The following TTLL11 variants were observed in gnomAD, a reference collection of about 807,000 sequenced individuals.
TTLL11 encodes the protein tubulin polyglutamylase TTLL11.
In TTLL11, 42 loss-of-function variants were observed where a neutral mutation model predicts 51.7. That is an observed-to-expected ratio of 0.81 (90% CI 0.64 to 1.05). The LOEUF is 1.05. Ranked by LOEUF, TTLL11 falls within the 50% of genes least tolerant of loss-of-function variation. The pLI is 0.00. For synonymous variants in TTLL11, 381 were observed against 383.5 expected, an observed-to-expected ratio of 0.99 and a Z score of 0.08; for missense variants, 799 against 940.4, an observed-to-expected ratio of 0.85 and a Z score of 1.97.
chr9:122,054,329 C>T (rs1845238475), intron 1 of TTLL11, among the ~76,000 whole-genome samples: 1 of 152,028 alleles, frequency 6.6e-6, no homozygotes, highest in Non-Finnish European at 1.5e-5. Context: ...AACCTTGCCC[C>T]TTTCATAATT....
At chr9:121,936,021 C>T (rs983172532) in intron 6 of TTLL11, among the ~76,000 whole-genome samples, 1 of 152,160 alleles carries the variant, frequency 6.6e-6, no homozygotes, top group Admixed American at 6.5e-5. Context: ...CTGGCTGAAA[C>T]TGAGCTATTA....
chr9:122,041,941 T>A (rs1588232191), intron 1 of TTLL11, among the ~76,000 whole-genome samples: 1 of 145,042 alleles, frequency 6.9e-6, no homozygotes, highest in East Asian at 2.0e-4. Context: ...CATATGGAAT[T>A]ACAAGGGACC....
At chr9:121,970,909 T>C (rs2131645625) in intron 6 of TTLL11, among the ~76,000 whole-genome samples, 1 of 152,348 alleles carries the variant, frequency 6.6e-6, no homozygotes, top group East Asian at 1.9e-4. Context: ...CGTATGTTTA[T>C]TGCAGCACTA....
intron 4 of TTLL11, among the ~76,000 whole-genome samples, chr9:121,983,673 C>T (rs935739254): frequency 6.6e-6 from 1 of 152,196 alleles, no homozygotes; most frequent in Non-Finnish European, 1.5e-5. Flanking sequence ...CTCTGGGAAG[C>T]CTTCCCTGAC....
intron 6 of TTLL11, among the ~76,000 whole-genome samples, chr9:121,937,475 C>G (rs910153597): frequency 2.0e-5 from 3 of 152,210 alleles, no homozygotes; most frequent in African/African-American, 7.2e-5. Flanking sequence ...GGCAACTCCC[C>G]CAATTGCTTT....
chr9:122,041,211 A>T (rs1205332679), intron 1 of TTLL11, among the ~76,000 whole-genome samples: 1 of 152,238 alleles, frequency 6.6e-6, no homozygotes, highest in Non-Finnish European at 1.5e-5. Context: ...ATGCCAGACT[A>T]GGTGCTAGGA....
intron 8 of TTLL11, among the ~76,000 whole-genome samples, chr9:121,836,185 C>A (rs73539173): frequency 0.054 from 8,155 of 152,184 alleles, 317 homozygotes; most frequent in African/African-American, 0.1. Flanking sequence ...AGTGATATGG[C>A]AAAGCTTTGC....
chr9:121,847,838 T>C (rs1236066385), intron 8 of TTLL11, among the ~76,000 whole-genome samples: 1 of 152,144 alleles, frequency 6.6e-6, no homozygotes, highest in Admixed American at 6.5e-5. Context: ...AACCAGATAA[T>C]GATATTACCA....
chr9:121,820,148 C>T lies in TTLL11; in HGVS notation c.*2439G>A, dbSNP rs2119096593. 6.6e-6 allele frequency among the ~76,000 whole-genome samples: 1 copy of T among 152,352 alleles called. No individual in the cohort carries two copies. The highest frequency in any genetic ancestry group is 3.4e-3 in the Middle Eastern group (1 of 294). ...GGCATGGGGTGGGAGAGGCCCTCAC[C>T]AGGAGAGCTGATGTTTTCATATCAC... On this transcript the variant is annotated 3_prime_UTR_variant, in exon 9 of 9. Coordinates refer to ENST00000321582, the MANE Select transcript of TTLL11 (RefSeq NM_001139442.2).
At chr9:122,010,410 G>A (rs139364257) in intron 3 of TTLL11, among the ~76,000 whole-genome samples, 22 of 152,320 alleles carry the variant, frequency 1.4e-4, no homozygotes, top group African/African-American at 5.3e-4. Flanking sequence ...GGCAAACTTT[G>A]GAGCGTGGTT....
chr9:122,043,418 G>A (rs780405363), intron 1 of TTLL11, among the ~76,000 whole-genome samples: 94 of 152,096 alleles, frequency 6.2e-4, no homozygotes, highest in Non-Finnish European at 1.1e-3. Flanking sequence ...AAGTGGTGCT[G>A]GGAAAACTGA....
chr9:121,835,778 C>T (rs1049935297), intron 8 of TTLL11, among the ~76,000 whole-genome samples: 11 of 152,172 alleles, frequency 7.2e-5, no homozygotes, highest in African/African-American at 1.7e-4. Context: ...CATCATGACA[C>T]GAACACAAGT....
intron 8 of TTLL11, among the ~76,000 whole-genome samples, chr9:121,839,282 G>T (rs993523073): frequency 1.3e-5 from 2 of 152,194 alleles, no homozygotes; most frequent in African/African-American, 4.8e-5. Flanking sequence ...ATCCCTGCAC[G>T]TCCCCATCAC....
intron 6 of TTLL11, among the ~76,000 whole-genome samples, chr9:121,936,573 G>T (rs1841230967): frequency 6.6e-6 from 1 of 152,180 alleles, no homozygotes; most frequent in African/African-American, 2.4e-5. Flanking sequence ...GTTCCTACTG[G>T]CACTGAATCT....
At chr9:121,926,288 AG>A (rs1199112221) in intron 6 of TTLL11, among the ~76,000 whole-genome samples, 2 of 152,152 alleles carry the variant, frequency 1.3e-5, no homozygotes, top group Non-Finnish European at 2.9e-5. Context: ...GTCAGGGCAA[AG>A]GATTGCCACG....
At chr9:121,883,786 C>T (rs995629342) in intron 6 of TTLL11, among the ~76,000 whole-genome samples, 5 of 152,108 alleles carry the variant, frequency 3.3e-5, no homozygotes, top group African/African-American at 2.4e-5. Flanking sequence ...ATGATGCCTC[C>T]CTGATGGCTC....
At chr9:121,835,276 G>T (rs892338550) in intron 8 of TTLL11, among the ~76,000 whole-genome samples, 31 of 152,182 alleles carry the variant, frequency 2.0e-4, no homozygotes, top group Non-Finnish European at 1.9e-4. Context: ...AGACTGGGCT[G>T]CCAATACTCA....
At chr9:121,895,921 GGT>G (rs1839495411) in intron 6 of TTLL11, among the ~76,000 whole-genome samples, 1 of 2,900 alleles carries the variant, frequency 3.4e-4, no homozygotes, top group Admixed American at 4.1e-3. Context: ...TGGATGTGTG[GGT>G]GTGTCTGTGT....
At chr9:121,964,243 G>A (rs1330210768) in intron 6 of TTLL11, among the ~76,000 whole-genome samples, 2 of 151,292 alleles carry the variant, frequency 1.3e-5, no homozygotes, top group African/African-American at 4.9e-5. Context: ...TTAGAGGAGA[G>A]GAAAAAAAAT....
Sources: gnomAD v4.1 joint callset for allele counts (sites outside exome capture counted in the v4.1 genomes callset) on GRCh38, gnomAD v4.1.1 for gene constraint, MANE v1.5 for transcripts, NCBI Gene and HGNC (gene_info 2026-07-23, HGNC 2026-07-21) for gene names.